The following TMEM131L variants were observed in gnomAD, a reference collection of about 807,000 sequenced individuals.
TMEM131L encodes transmembrane 131 like, also known as transmembrane protein 131-like.
A neutral mutation model predicts 192.2 loss-of-function variants in TMEM131L; 54 were observed. The ratio of observed to expected loss-of-function variants is 0.28; its 90% confidence interval spans 0.23 to 0.35. TMEM131L has a LOEUF of 0.35. TMEM131L is among the 10% of genes least tolerant of loss of function. The pLI, the probability that TMEM131L is intolerant of heterozygous loss-of-function variation, is 1.00. For synonymous variants in TMEM131L, 701 were observed against 704.9 expected (o/e 0.99, Z 0.09); for missense variants, 1,888 against 1,972.9 (o/e 0.96, Z 0.82).
intron 25 of TMEM131L, among the ~76,000 whole-genome samples, chr4:153,610,185 C>A (rs918706988): frequency 6.6e-6 from 1 of 152,154 alleles, no homozygotes; most frequent in Non-Finnish European, 1.5e-5. Flanking sequence ...TTGATCTAAA[C>A]CCTCTAGGCA....
intron 7 of TMEM131L, among the ~76,000 whole-genome samples, chr4:153,578,418 T>C (rs112143772): frequency 0.14 from 20,673 of 151,818 alleles, 3,981 homozygotes; most frequent in African/African-American, 0.43. Flanking sequence ...TGCAATGGCA[T>C]GATCTCAGCT....
chr4:153,596,314 G>C lies in TMEM131L; in HGVS notation c.2052G>C (p.Leu684Phe), dbSNP rs558687577. 1 of 1,614,012 alleles carries C rather than the reference G, an allele frequency of 6.2e-7. No individual in the cohort carries two copies. Among genetic ancestry groups the C allele is most frequent in the African/African-American group, 1.3e-5 (1 of 75,054 alleles). The part of the protein sequence containing the change: ...FGILHLHLQP[L>F]EMKRVGVVFT... ...TCCTCCACTTACATCTGCAGCCTTT[G>C]GAAATGAAAAGGGTTGGCGTAGTTT... The change falls in exon 20 of 35, where the codon TTG becomes TTC. Residue 684 changes from leucine (L) to phenylalanine (F), a missense_variant. Coordinates refer to ENST00000409959, the MANE Select transcript of TMEM131L (RefSeq NM_001131007.2).
intron 7 of TMEM131L, among the ~76,000 whole-genome samples, chr4:153,563,447 A>G (rs1408074852): frequency 7.2e-6 from 1 of 139,050 alleles, no homozygotes. Context: ...GAGAAAACGG[A>G]TATGTACCCT....
At chr4:153,560,373 A>G (rs539861658) in intron 7 of TMEM131L, among the ~76,000 whole-genome samples, 2 of 152,252 alleles carry the variant, frequency 1.3e-5, no homozygotes, top group South Asian at 2.1e-4. Context: ...ACTGTAGCCT[A>G]CCTTGGCAGT....
chr4:153,552,306 A>G (rs1737686065), intron 4 of TMEM131L, among the ~76,000 whole-genome samples: 1 of 152,230 alleles, frequency 6.6e-6, no homozygotes, highest in South Asian at 2.1e-4. Flanking sequence ...TAATAGTAGT[A>G]GTAAGTATAG....
chr4:153,535,711 G>A (rs966790359), intron 3 of TMEM131L, among the ~76,000 whole-genome samples: 2 of 152,094 alleles, frequency 1.3e-5, no homozygotes, highest in South Asian at 2.1e-4. Flanking sequence ...AAAGCACATC[G>A]TTCTGAACAT....
intron 3 of TMEM131L, among the ~76,000 whole-genome samples, chr4:153,497,449 C>T (rs1265193607): frequency 6.6e-6 from 1 of 152,062 alleles, no homozygotes; most frequent in Non-Finnish European, 1.5e-5. Flanking sequence ...GTTTTAAGCA[C>T]CCTCCCCTGG....
Position 153,556,971 on chromosome 4 carries a change from T to C in TMEM131L, c.438T>C (p.Ile146=). The change falls in exon 6 of 35, where the codon ATT becomes ATC. Residue 146 remains isoleucine (I), a synonymous_variant. Transcript: ENST00000409959. ...ACTGGGGACCTTTCTTTCAGGTAAT[T>C]CCAGCAATGGGGAAAACTTCCTTCA... ...FHVPPVPCRV[I]PAMGKTSFRI... The C allele has an allele frequency of 6.4e-7, 1 of 1,556,878 alleles. No homozygotes were observed. The highest frequency in any genetic ancestry group is 1.7e-4 in the Middle Eastern group (1 of 5,944).
chr4:153,595,542 CAA>C (rs1282708508), intron 19 of TMEM131L, among the ~76,000 whole-genome samples: 3 of 151,808 alleles, frequency 2.0e-5, no homozygotes, highest in South Asian at 2.1e-4. Flanking sequence ...AAGTTAAAAA[CAA>C]AGAGAAATAA....
intron 3 of TMEM131L, among the ~76,000 whole-genome samples, chr4:153,516,255 T>G (rs527821911): frequency 1.3e-3 from 195 of 152,256 alleles, no homozygotes; most frequent in Non-Finnish European, 2.1e-3. Context: ...TAAAATCTAA[T>G]TCTTTGTTTT....
chr4:153,531,737 G>C (rs1326319032), intron 3 of TMEM131L, among the ~76,000 whole-genome samples: 2 of 152,200 alleles, frequency 1.3e-5, no homozygotes, highest in African/African-American at 4.8e-5. Context: ...ATCCGGAAAT[G>C]CCTCCTAAGA....
intron 25 of TMEM131L, among the ~76,000 whole-genome samples, chr4:153,609,138 G>T (rs1483945168): frequency 6.6e-6 from 1 of 152,180 alleles, no homozygotes; most frequent in African/African-American, 2.4e-5. Flanking sequence ...AAATACCAGA[G>T]ACTGGATAAT....
At chr4:153,570,931 C>T (rs934721531) in intron 7 of TMEM131L, among the ~76,000 whole-genome samples, 4 of 152,108 alleles carry the variant, frequency 2.6e-5, no homozygotes, top group Admixed American at 6.5e-5. Context: ...CTGTGTTAGT[C>T]GGCTGTTCCC....
chr4:153,573,406 A>G (rs1474231985), intron 7 of TMEM131L, among the ~76,000 whole-genome samples: 8 of 152,236 alleles, frequency 5.3e-5, no homozygotes, highest in Non-Finnish European at 8.8e-5. Context: ...CCTACTTGTC[A>G]TTTGTTTGAG....
At chr4:153,564,923 G>A (rs998875152) in intron 7 of TMEM131L, among the ~76,000 whole-genome samples, 2 of 152,166 alleles carry the variant, frequency 1.3e-5, no homozygotes, top group African/African-American at 2.4e-5. Context: ...CCTCTTTTCT[G>A]AACTCTGGCC....
chr4:153,619,521 A>T (rs1404240568), intron 26 of TMEM131L, among the ~76,000 whole-genome samples: 2 of 152,246 alleles, frequency 1.3e-5, no homozygotes, highest in Non-Finnish European at 2.9e-5. Flanking sequence ...TATTGGGGGA[A>T]ACAAAGGTGT....
intron 11 of TMEM131L, 99 bp downstream of exon 11, chr4:153,583,771 G>A: frequency 1.4e-6 from 1 of 714,090 alleles, no homozygotes; most frequent in Non-Finnish European, 2.4e-6. Context: ...TTTCAAAAAA[G>A]TGAAGGGAAT....
intron 21 of TMEM131L, among the ~76,000 whole-genome samples, chr4:153,601,107 C>CAAAAAA (rs397879528): frequency 1.9e-5 from 2 of 103,094 alleles, no homozygotes. Context: ...AAGACTGTCT[C>CAAAAAA]AAAAAAAAAA....
Position 153,570,229 on chromosome 4 carries a change from C to CA in TMEM131L, c.661-10590dup, listed in dbSNP as rs1376217878. 5.9e-5 allele frequency among the ~76,000 whole-genome samples: 9 copies of CA among 152,168 alleles called. No homozygotes were observed. In the South Asian group the frequency reaches 6.2e-4, roughly 11 times the overall value. ...AATAACAGATTATTAACTTCACATC[C>CA]AAAAAAATTGGAAAACGTGTCCCCC... On this transcript the variant is annotated intron_variant, in intron 7 of 34. Coordinates refer to ENST00000409959, the MANE Select transcript of TMEM131L (RefSeq NM_001131007.2).
Sources: gnomAD v4.1 joint callset for allele counts (sites outside exome capture counted in the v4.1 genomes callset) on GRCh38, gnomAD v4.1.1 for gene constraint, MANE v1.5 for transcripts, NCBI Gene and HGNC (gene_info 2026-07-23, HGNC 2026-07-21) for gene names.